TMEM245: variants seen among roughly 807,000 people sequenced by gnomAD.
TMEM245 encodes the protein transmembrane protein 245, also known as protein CG-2.
TMEM245 carries 69 observed loss-of-function variants against 101.2 expected under a neutral mutation model. The observed-to-expected ratio is 0.68, with a 90% CI of 0.56 to 0.83. The LOEUF is 0.83. TMEM245 is among the 40% of genes least tolerant of loss of function. The pLI is 0.00. For synonymous variants in TMEM245, 537 were observed against 449.8 expected (o/e 1.19, Z -2.45); for missense variants, 1,075 against 1,092.8 (o/e 0.98, Z 0.23).
In TMEM245 at chr9:109,082,457, T is replaced by A. The variant is rs149535681; in HGVS notation, c.1345-1514A>T. 1.9e-3 allele frequency among the ~76,000 whole-genome samples: 293 copies of A among 152,346 alleles called. 3 individuals carry two copies. Among genetic ancestry groups the A allele is most frequent in the African/African-American group, 6.4e-3 (268 of 41,586 alleles). On this transcript the variant is annotated intron_variant, in intron 7 of 17. Coordinates refer to ENST00000374586, the MANE Select transcript of TMEM245 (RefSeq NM_032012.4). Reference sequence around the variant, plus strand: ...TCAGAAACCAATTGAAAACTAGTTATCAAGGCAGCTTCCTGGGGAAAGAGC... The same window carrying A: ...TCAGAAACCAATTGAAAACTAGTTAACAAGGCAGCTTCCTGGGGAAAGAGC...
At chr9:109,090,358 C>T (rs1293169274) in intron 5 of TMEM245, among the ~76,000 whole-genome samples, 1 of 152,098 alleles carries the variant, frequency 6.6e-6, no homozygotes, top group Non-Finnish European at 1.5e-5. Flanking sequence ...ACAATCAAAT[C>T]TCTCTATGGA....
rs117715065 is a variant in TMEM245 at position 109,021,421 on chromosome 9, A to G, written c.2595-916T>C. The stretch of plus-strand genomic sequence containing the variant: ...ACAGTCTATTACCATTCTTTTAGAT[A>G]GAAGTTATATTGCTCCTTTACAATA... On this transcript the variant is annotated intron_variant, in intron 17 of 17. Coordinates refer to ENST00000374586, the MANE Select transcript of TMEM245 (RefSeq NM_032012.4). 2.5e-4 allele frequency among the ~76,000 whole-genome samples: 38 copies of G among 152,374 alleles called. No homozygotes were observed. The East Asian group carries it at 3.9e-3, about 15-fold the overall frequency.
intron 12 of TMEM245, among the ~76,000 whole-genome samples, chr9:109,051,939 G>C (rs1828699325): frequency 6.6e-6 from 1 of 152,146 alleles, no homozygotes; most frequent in South Asian, 2.1e-4. Flanking sequence ...GCAGTGCTCT[G>C]AGGCCAAAAA....
chr9:109,106,497 C>T lies in TMEM245; in HGVS notation c.799+11G>A, dbSNP rs2583377. On this transcript the variant is annotated intron_variant, in intron 3 of 17. Coordinates refer to ENST00000374586, the MANE Select transcript of TMEM245 (RefSeq NM_032012.4). ...CAAAGAGTAGTATTAATAGAATGCC[C>T]TATTTCTTACCAGAAGACTCTTTTC... 91,390 of 1,580,872 alleles carry T rather than the reference C, an allele frequency of 0.058. 3,098 individuals are homozygous for T. Among genetic ancestry groups the T allele is most frequent in the African/African-American group, 0.1 (7,689 of 74,078 alleles).
chr9:109,035,841 C>T (rs1324426100), intron 16 of TMEM245, among the ~76,000 whole-genome samples: 1 of 149,844 alleles, frequency 6.7e-6, no homozygotes, highest in African/African-American at 2.5e-5. Flanking sequence ...AAGTTCAAGG[C>T]AGGAGGACTG....
At chr9:109,025,929 G>C (rs1324408268) in intron 17 of TMEM245, among the ~76,000 whole-genome samples, 1 of 152,174 alleles carries the variant, frequency 6.6e-6, no homozygotes, top group African/African-American at 2.4e-5. Context: ...TCTTTCCTTA[G>C]GGAGAATGGG....
intron 9 of TMEM245, among the ~76,000 whole-genome samples, chr9:109,066,100 TC>T (rs1174988566): frequency 6.6e-6 from 1 of 152,216 alleles, no homozygotes; most frequent in Non-Finnish European, 1.5e-5. Context: ...AACCAGTTTG[TC>T]CCACACTCCA....
At chr9:109,051,581 C>T (rs1828687259) in intron 12 of TMEM245, among the ~76,000 whole-genome samples, 1 of 151,976 alleles carries the variant, frequency 6.6e-6, no homozygotes, top group Admixed American at 6.6e-5. Context: ...CACAGGCAAC[C>T]ACAATATAGG....
chr9:109,030,768 T>A (rs1341947064), intron 17 of TMEM245, among the ~76,000 whole-genome samples: 2 of 152,158 alleles, frequency 1.3e-5, no homozygotes, highest in African/African-American at 4.8e-5. Context: ...TCCCCTGCCA[T>A]CAACTAAGGA....
intron 8 of TMEM245, among the ~76,000 whole-genome samples, chr9:109,078,035 T>C (rs1462928066): frequency 6.6e-6 from 1 of 152,206 alleles, no homozygotes; most frequent in African/African-American, 2.4e-5. Flanking sequence ...TAGTATACCA[T>C]TTTAGTTCCC....
At chr9:109,096,123 T>C (rs747937577) in intron 3 of TMEM245, among the ~76,000 whole-genome samples, 1 of 152,200 alleles carries the variant, frequency 6.6e-6, no homozygotes, top group East Asian at 1.9e-4. Flanking sequence ...AGAGAATATA[T>C]AGCAGAGCTG....
In TMEM245 at chr9:109,119,826, T is replaced by C. The variant is rs973641338; in HGVS notation, c.88A>G (p.Ser30Gly). 2 of 1,386,444 alleles carry C rather than the reference T, an allele frequency of 1.4e-6. No homozygotes were observed. The highest frequency in any genetic ancestry group is 3.0e-5 in the African/African-American group (2 of 65,884). 85.9% of individuals were successfully genotyped at this position (1,386,444 alleles called of 1,614,324 possible). The change falls in exon 1 of 18, where the codon AGT becomes GGT. Residue 30 changes from serine (S) to glycine (G), a missense_variant. By Grantham distance (56) the Ser-to-Gly change is moderately conservative. Transcript: ENST00000374586. ...APRVPRAVGP[S>G]GGGGETPRTA... is the part of the protein sequence containing the mutation. ...CGCGGGGTCTCCCCGCCACCGCCACTCGGCCCGACCGCGCGCGGGACCCGC... is the reference window on the plus strand; with the variant it reads ...CGCGGGGTCTCCCCGCCACCGCCACCCGGCCCGACCGCGCGCGGGACCCGC...
At chr9:109,048,894 T>C (rs563913366) in intron 14 of TMEM245, among the ~76,000 whole-genome samples, 1 of 152,336 alleles carries the variant, frequency 6.6e-6, no homozygotes, top group Non-Finnish European at 1.5e-5. Flanking sequence ...ACAGAGCCTA[T>C]AACTTAAGAG....
intron 17 of TMEM245, among the ~76,000 whole-genome samples, chr9:109,021,607 C>T (rs1415467853): frequency 6.6e-6 from 1 of 152,158 alleles, no homozygotes; most frequent in Admixed American, 6.5e-5. Flanking sequence ...CTCTGCCTCC[C>T]AGGCTCAAGC....
chr9:109,049,595 G>A (rs1274792295), intron 14 of TMEM245, among the ~76,000 whole-genome samples: 2 of 152,142 alleles, frequency 1.3e-5, no homozygotes. Context: ...GGGAGGCCGA[G>A]GCAGGCAGAT....
intron 14 of TMEM245, among the ~76,000 whole-genome samples, chr9:109,048,899 T>G (rs2132381838): frequency 6.6e-6 from 1 of 152,298 alleles, no homozygotes. Flanking sequence ...GCCTATAACT[T>G]AAGAGATAAA....
At position 109,080,877 on chromosome 9, in the gene TMEM245, T is replaced by C. The variant is rs1829647545; in HGVS notation, c.1411A>G (p.Ile471Val). ...ISIFIIFLLVIGTLLLALLLT... is the reference protein window; with the variant it reads ...ISIFIIFLLVVGTLLLALLLT... ...AGTAGGGCTAAAAGAAGAGTTCCTA[T>C]CACTAACAAAAATATGATGAAAATG... Residue 471 changes from isoleucine (I) to valine (V), a missense_variant, in exon 8 of 18, where the codon ATA (isoleucine) becomes GTA (valine). Transcript: ENST00000374586. 1 of 1,609,552 alleles carries C rather than the reference T, an allele frequency of 6.2e-7. No homozygotes were observed.
rs748390473 is a variant in TMEM245, at chr9:109,057,317, T to C, written c.1728A>G (p.Val576=). 5.0e-6 allele frequency: 8 copies of C among 1,613,940 alleles called. No homozygotes were observed. Among genetic ancestry groups the C allele is most frequent in the Non-Finnish European group, 6.8e-6 (8 of 1,179,848 alleles). Residue 576 remains valine, a synonymous_variant, in exon 12 of 18, where the codon GTA becomes GTG. Transcript: ENST00000374586. ...GTCCTTTGTGCCTTCCAGAGTGTGT[T>C]ACATTCTATGGAATAAAACAGTGCA... ...RLYHSWFVKN[V]THSGRHKGQK...
At chr9:109,032,944 G>A (rs1025312705) in intron 17 of TMEM245, among the ~76,000 whole-genome samples, 8 of 150,778 alleles carry the variant, frequency 5.3e-5, no homozygotes, top group Non-Finnish European at 5.9e-5. Context: ...GTTCACAGGC[G>A]GGTGCCACCA....
Sources: allele counts gnomAD v4.1 joint callset (sites outside exome capture counted in the v4.1 genomes callset), GRCh38; gene constraint gnomAD v4.1.1; transcripts MANE v1.5; gene names NCBI Gene and HGNC (gene_info 2026-07-23, HGNC 2026-07-21).